ZCCHC2: variants seen among roughly 807,000 people sequenced by gnomAD.
The protein encoded by ZCCHC2 is zinc finger CCHC domain-containing protein 2.
Under a neutral mutation model 103.6 loss-of-function variants are expected in ZCCHC2, and 39 were observed. The observed-to-expected ratio is 0.38, with a 90% CI of 0.29 to 0.49. The LOEUF is 0.49. Among genes scored for constraint, ZCCHC2 ranks in the 20% least tolerant of loss-of-function variants. The probability of loss-of-function intolerance (pLI) is 0.96; values close to 1 mark genes in which losing one functional copy is unlikely to be tolerated. For synonymous variants in ZCCHC2, 687 were observed against 608.9 expected, an observed-to-expected ratio of 1.13 and a Z score of -1.89; for missense variants, 1,483 against 1,491.0, an observed-to-expected ratio of 0.99 and a Z score of 0.09.
At chr18:62,562,435 A>G (rs376038847) in intron 8 of ZCCHC2, among the ~76,000 whole-genome samples, 8 of 150,836 alleles carry the variant, frequency 5.3e-5, no homozygotes, top group South Asian at 4.2e-4. Context: ...TTCTCCATCT[A>G]TTTCCCATTT....
chr18:62,553,154 TTATGTGTGTGTG>T (rs1212888383), intron 5 of ZCCHC2, among the ~76,000 whole-genome samples: 3 of 125,728 alleles, frequency 2.4e-5, no homozygotes, highest in Non-Finnish European at 3.3e-5. Flanking sequence ...GCCCTTAGAT[TTATGTGTGTGTG>T]TGTGTGTGTG....
At chr18:62,564,152 C>G (rs1013178578) in intron 9 of ZCCHC2, among the ~76,000 whole-genome samples, 59 of 152,178 alleles carry the variant, frequency 3.9e-4, no homozygotes, top group African/African-American at 1.4e-3. Context: ...GACCTATTTT[C>G]AAAGCCCGTC....
intron 1 of ZCCHC2, chr18:62,526,233 G>A (rs1052002600): frequency 6.6e-6 from 1 of 152,216 alleles, no homozygotes; most frequent in Admixed American, 6.5e-5. Flanking sequence ...GGGAGGGATG[G>A]ACAAAGTGAG....
Position 62,544,542 on chromosome 18 carries a change from T to C in ZCCHC2, c.1129-260T>C, listed in dbSNP as rs1360067642. Among the ~76,000 whole-genome samples, 6 of 152,358 alleles carry C rather than the reference T, an allele frequency of 3.9e-5. No homozygotes were observed. In the East Asian group the frequency reaches 9.6e-4, roughly 24 times the overall value. On this transcript the variant is annotated intron_variant, in intron 3 of 13. Coordinates refer to ENST00000269499, the MANE Select transcript of ZCCHC2 (RefSeq NM_017742.6). The stretch of plus-strand genomic sequence containing the variant: ...ATATATCCCCTTTCTGAAAAATTAC[T>C]AAACATAATCACATTTTCAGATAGG...
intron 3 of ZCCHC2, among the ~76,000 whole-genome samples, chr18:62,544,087 A>G (rs562007741): frequency 6.6e-6 from 1 of 152,218 alleles, no homozygotes; most frequent in Non-Finnish European, 1.5e-5. Context: ...TATTTAGCTC[A>G]AATAATTATA....
At chr18:62,529,505 C>G (rs1359088434) in intron 1 of ZCCHC2, among the ~76,000 whole-genome samples, 1 of 152,152 alleles carries the variant, frequency 6.6e-6, no homozygotes, top group Non-Finnish European at 1.5e-5. Context: ...CCAGAAACAG[C>G]TATGTCTTTC....
intron 5 of ZCCHC2, among the ~76,000 whole-genome samples, chr18:62,552,891 TAA>T (rs35372929): frequency 7.1e-6 from 1 of 141,196 alleles, no homozygotes; most frequent in Non-Finnish European, 1.5e-5. Context: ...CCCTGTCTCT[TAA>T]AAAAAAAAAA....
In ZCCHC2 at chr18:62,575,415, C is replaced by A. The variant is rs1199991013; in HGVS notation, c.3334C>A (p.Pro1112Thr). The A allele has an allele frequency of 3.1e-6, 5 of 1,613,862 alleles. No individual in the cohort carries two copies. The highest frequency in any genetic ancestry group is 4.2e-6 in the Non-Finnish European group (5 of 1,179,892). The change falls in exon 13 of 14, where the codon CCA (proline) becomes ACA (threonine). Residue 1112 changes from proline (P) to threonine (T), a missense_variant. Coordinates refer to ENST00000269499, the MANE Select transcript of ZCCHC2 (RefSeq NM_017742.6). Reference sequence around the variant, plus strand: ...ATTTGGGAGATTCTATCCTGTATATCCAGCACCTAACGTAGTTGCCAACAC... The same window carrying A: ...ATTTGGGAGATTCTATCCTGTATATACAGCACCTAACGTAGTTGCCAACAC... ...AGFGRFYPVY[P>T]APNVVANTSG...
chr18:62,574,848 C>T lies in ZCCHC2; in HGVS notation c.2767C>T (p.Leu923Phe). The T allele has an allele frequency of 6.2e-7, 1 of 1,613,942 alleles. No individual in the cohort carries two copies. Among genetic ancestry groups the T allele is most frequent in the Non-Finnish European group, 8.5e-7 (1 of 1,179,898 alleles). Residue 923 changes from leucine (L) to phenylalanine (F), a missense_variant, in exon 13 of 14, where the codon CTT becomes TTT. By Grantham distance (22) the Leu-to-Phe change is conservative. This residue lies in a region of ZCCHC2 where 884 missense variants were observed against 907.5 expected (regional missense o/e 0.97). Coordinates refer to ENST00000269499, the MANE Select transcript of ZCCHC2 (RefSeq NM_017742.6). ...PASYPLPGSP[L>F]AAGVLPSQNS... ...TTCCTACCCCTTACCAGGCTCTCCCCTTGCTGCCGGCGTGTTACCCAGCCA... is the reference window on the plus strand; with the variant it reads ...TTCCTACCCCTTACCAGGCTCTCCCTTTGCTGCCGGCGTGTTACCCAGCCA...
rs932308470 is a variant in ZCCHC2 at position 62,577,834 on chromosome 18, G to C, written c.*1255G>C. 1 of 152,472 alleles carries C rather than the reference G, an allele frequency of 6.6e-6. No homozygotes were observed. Among genetic ancestry groups the C allele is most frequent in the Non-Finnish European group, 1.5e-5 (1 of 68,026 alleles). The allele number at this position is 152,472 out of a possible 1,614,324, so 9.4% of individuals were successfully genotyped here. ...AATTTTTGATTTCCTAAAGTGCACT[G>C]AGGTTATCTGGAAGATTGGGTGTAT... On this transcript the variant is annotated 3_prime_UTR_variant, in exon 14 of 14. Transcript: ENST00000269499.
intron 1 of ZCCHC2, among the ~76,000 whole-genome samples, chr18:62,535,389 A>G (rs1278297224): frequency 1.3e-5 from 2 of 152,220 alleles, no homozygotes; most frequent in African/African-American, 4.8e-5. Context: ...GAGGAGACCT[A>G]TGAATCTGCC....
chr18:62,539,646 GT>G, intron 1 of ZCCHC2, 34 bp from the exon 2 acceptor site: 1 of 1,523,852 alleles, frequency 6.6e-7, no homozygotes, highest in South Asian at 1.2e-5. Context: ...TTAGTCCATG[GT>G]TTAAGTTAAC....
chr18:62,583,096 C>T (rs1054129474), downstream of ZCCHC2, among the ~76,000 whole-genome samples: 3 of 151,962 alleles, frequency 2.0e-5, no homozygotes, highest in East Asian at 1.9e-4. Flanking sequence ...AGAGTGAGAC[C>T]GTGTCTTTTT....
chr18:62,534,456 A>T (rs1221743750), intron 1 of ZCCHC2, among the ~76,000 whole-genome samples: 1 of 152,104 alleles, frequency 6.6e-6, no homozygotes. Flanking sequence ...TATTGCTTGG[A>T]TAGTTGATGG....
Position 62,576,549 on chromosome 18 carries a change from T to C in ZCCHC2, c.3507T>C (p.Pro1169=), listed in dbSNP as rs1384689514. The C allele has an allele frequency of 6.2e-7, 1 of 1,613,792 alleles. No individual in the cohort carries two copies. The highest frequency in any genetic ancestry group is 1.1e-5 in the South Asian group (1 of 91,034). The change falls in exon 14 of 14, where the codon CCT becomes CCC. Residue 1169 remains proline, a synonymous_variant. Transcript: ENST00000269499. ...TGAGATACGCACCTCCCCTCCCCCC[T>C]TCTAATGATACGTTGGATTCTGCAG... ...YRLRYAPPLP[P]SNDTLDSAD is the part of the protein sequence containing the mutation.
rs564043934 is a variant in ZCCHC2 at position 62,549,381 on chromosome 18, G to A, written c.1201-967G>A. On this transcript the variant is annotated intron_variant, in intron 4 of 13. Coordinates refer to ENST00000269499, the MANE Select transcript of ZCCHC2 (RefSeq NM_017742.6). ...ATCTACTGTACCCACAATGAGGAAT[G>A]CTTTATGCTACCTTTGCTAAGTTTC... Among the ~76,000 whole-genome samples the A allele has an allele frequency of 1.9e-4, 29 of 152,318 alleles. No individual in the cohort carries two copies. In the South Asian group the frequency reaches 5.6e-3, roughly 29 times the overall value.
chr18:62,554,258 A>T (rs12605828), intron 5 of ZCCHC2, among the ~76,000 whole-genome samples: 2 of 152,052 alleles, frequency 1.3e-5, no homozygotes, highest in Non-Finnish European at 2.9e-5. Context: ...GTTATAAAGG[A>T]GGCGGAAGAA....
At chr18:62,534,081 G>A (rs1283251112) in intron 1 of ZCCHC2, among the ~76,000 whole-genome samples, 1 of 152,102 alleles carries the variant, frequency 6.6e-6, no homozygotes, top group Non-Finnish European at 1.5e-5. Flanking sequence ...GATGCTGACT[G>A]GCTGTGCTTA....
Position 62,578,504 on chromosome 18 carries a change from C to T in ZCCHC2, c.*1925C>T, listed in dbSNP as rs28373970. 9.8e-5 allele frequency: 15 copies of T among 152,626 alleles called. No homozygotes were observed. Among genetic ancestry groups the T allele is most frequent in the African/African-American group, 3.6e-4 (15 of 41,440 alleles). The allele number at this position is 152,626 out of a possible 1,614,324, so 9.5% of individuals were successfully genotyped here. On this transcript the variant is annotated 3_prime_UTR_variant, in exon 14 of 14. Transcript: ENST00000269499. Reference sequence around the variant, plus strand: ...GAAATGTTATGTACTGGAAAGGCCACTTATATTTCTAGAACAGATTGGATT... The same window carrying T: ...GAAATGTTATGTACTGGAAAGGCCATTTATATTTCTAGAACAGATTGGATT...
Sources: allele counts gnomAD v4.1 joint callset (sites outside exome capture counted in the v4.1 genomes callset), GRCh38; gene constraint gnomAD v4.1.1; regional missense constraint gnomAD v4.1.1; transcripts MANE v1.5; gene names NCBI Gene and HGNC (gene_info 2026-07-23, HGNC 2026-07-21).